Variants in KCNQ3 observed in about 807,000 individuals in gnomAD.
KCNQ3 encodes potassium voltage-gated channel subfamily Q member 3.
Under a neutral mutation model 92.5 loss-of-function variants are expected in KCNQ3, and 30 were observed. The ratio of observed to expected loss-of-function variants is 0.32; its 90% CI spans 0.24 to 0.44. The LOEUF is 0.44. Ranked by LOEUF, KCNQ3 falls within the 20% of genes least tolerant of loss-of-function variation. The pLI is 1.00. For missense variants in KCNQ3, 913 were observed against 1,140.3 expected, an observed-to-expected ratio of 0.80 and a Z score of 2.87; for synonymous variants, 450 against 468.8, an observed-to-expected ratio of 0.96 and a Z score of 0.52.
At chr8:132,468,706 A>C (rs1822234282) in intron 1 of KCNQ3, among the ~76,000 whole-genome samples, 1 of 152,224 alleles carries the variant, frequency 6.6e-6, no homozygotes. Context: ...ACACTCTTGC[A>C]GAGTGCAGAT....
intron 9 of KCNQ3, 139 bp downstream of exon 9, chr8:132,163,329 G>A (rs878886023): frequency 7.8e-6 from 6 of 769,362 alleles, no homozygotes; most frequent in African/African-American, 6.8e-5. Context: ...AGAGGACTAT[G>A]GTGGTCAGCA....
rs1038934494 is a variant in KCNQ3 at position 132,137,981 on chromosome 8, T to C, written c.1604A>G (p.Lys535Arg). ...LQFRLYKKKF[K>R]ETLRPYDVKD... Reference sequence around the variant, plus strand: ...CACATCGTAAGGCCTCAAAGTCTCCTTGAATTTTTTTTTATAGAGACGGAA... The same window carrying C: ...CACATCGTAAGGCCTCAAAGTCTCCCTGAATTTTTTTTTATAGAGACGGAA... Residue 535 changes from lysine to arginine, a missense_variant, in exon 12 of 15, where the codon AAG becomes AGG. Coordinates refer to ENST00000388996, the MANE Select transcript of KCNQ3 (RefSeq NM_004519.4). The C allele has an allele frequency of 6.2e-6, 10 of 1,613,046 alleles. No homozygotes were observed. The highest frequency in any genetic ancestry group is 7.6e-6 in the Non-Finnish European group (9 of 1,179,992).
intron 11 of KCNQ3, among the ~76,000 whole-genome samples, chr8:132,138,868 A>G (rs1188480181): frequency 2.6e-5 from 4 of 152,154 alleles, no homozygotes; most frequent in Non-Finnish European, 5.9e-5. Flanking sequence ...TTATGGTACT[A>G]TCTAATTTGC....
chr8:132,145,272 G>A (rs2469520), intron 9 of KCNQ3, among the ~76,000 whole-genome samples: 58,970 of 151,952 alleles, frequency 0.39, 11,907 homozygotes, highest in East Asian at 0.49. Context: ...CTGGAATGTC[G>A]CAAGCACTAA....
At chr8:132,133,343 T>C (rs1184122105) in intron 13 of KCNQ3, among the ~76,000 whole-genome samples, 1 of 144,836 alleles carries the variant, frequency 6.9e-6, no homozygotes, top group Non-Finnish European at 1.5e-5. Context: ...ATCACGTTAA[T>C]GCTCTCGATT....
chr8:132,428,166 T>C (rs560264404), intron 1 of KCNQ3, among the ~76,000 whole-genome samples: 318 of 152,172 alleles, frequency 2.1e-3, no homozygotes, highest in Non-Finnish European at 4.0e-3. Context: ...TCTTTGAAAC[T>C]GTCCTCCTCT....
At chr8:132,410,483 G>T (rs912350031) in intron 1 of KCNQ3, among the ~76,000 whole-genome samples, 5 of 152,212 alleles carry the variant, frequency 3.3e-5, no homozygotes, top group African/African-American at 1.2e-4. Context: ...AGAGAACCCT[G>T]TCCTTGGAGC....
rs1427018239 is a variant in KCNQ3 at position 132,124,129 on chromosome 8, T to C, written c.*5133A>G. The C allele has an allele frequency of 6.6e-6, 1 of 152,242 alleles. No individual in the cohort carries two copies. Among genetic ancestry groups the C allele is most frequent in the Non-Finnish European group, 1.5e-5 (1 of 68,048 alleles). 9.4% of individuals were successfully genotyped at this position (152,242 alleles called of 1,614,324 possible). A position where few individuals can be genotyped will look rare whatever the true frequency, so the allele number is the denominator to read the frequency against. On this transcript the variant is annotated 3_prime_UTR_variant, in exon 15 of 15. Coordinates refer to ENST00000388996, the MANE Select transcript of KCNQ3 (RefSeq NM_004519.4). The stretch of plus-strand genomic sequence containing the variant: ...CACTGAGATCCAACATTCCTGCCTC[T>C]CTTCATTCCAAGATTCCTTCTGTTC...
intron 1 of KCNQ3, among the ~76,000 whole-genome samples, chr8:132,357,327 AG>A: frequency 6.6e-6 from 1 of 152,244 alleles, no homozygotes; most frequent in Non-Finnish European, 1.5e-5. Flanking sequence ...CAGGCAGAGA[AG>A]TGCGTCAATG....
At chr8:132,409,687 T>C (rs1031482229) in intron 1 of KCNQ3, among the ~76,000 whole-genome samples, 3 of 152,204 alleles carry the variant, frequency 2.0e-5, no homozygotes, top group Non-Finnish European at 2.9e-5. Flanking sequence ...CCTCACCATT[T>C]ATCCCTGGAT....
chr8:132,282,536 C>G (rs1157726384), intron 1 of KCNQ3, among the ~76,000 whole-genome samples: 1 of 152,192 alleles, frequency 6.6e-6, no homozygotes, highest in African/African-American at 2.4e-5. Context: ...GCTTATCCCC[C>G]CTTGCTCTGC....
intron 1 of KCNQ3, among the ~76,000 whole-genome samples, chr8:132,317,439 G>A (rs947462448): frequency 6.6e-6 from 1 of 152,188 alleles, no homozygotes; most frequent in African/African-American, 2.4e-5. Context: ...AAGACCACTA[G>A]CTCACATACT....
At chr8:132,447,126 T>C in intron 1 of KCNQ3, 1 of 1,323,914 alleles carries the variant, frequency 7.6e-7, no homozygotes, top group Non-Finnish European at 1.0e-6. Flanking sequence ...GCTCTTTCCC[T>C]CTCCCCCTGG....
chr8:132,393,981 T>C (rs1820119749), intron 1 of KCNQ3, among the ~76,000 whole-genome samples: 1 of 152,238 alleles, frequency 6.6e-6, no homozygotes, highest in Non-Finnish European at 1.5e-5. Flanking sequence ...ACCTACTGTG[T>C]GCCCTTGCTG....
At chr8:132,264,122 G>C (rs570008225) in intron 1 of KCNQ3, among the ~76,000 whole-genome samples, 44 of 152,308 alleles carry the variant, frequency 2.9e-4, no homozygotes, top group African/African-American at 9.4e-4. Context: ...TGGTGAAATT[G>C]GGATTCAAAT....
intron 1 of KCNQ3, among the ~76,000 whole-genome samples, chr8:132,222,802 G>T (rs866673201): frequency 1.3e-5 from 2 of 152,218 alleles, no homozygotes; most frequent in Admixed American, 6.5e-5. Context: ...GGCACATTTA[G>T]TAGTGCTTAC....
intron 1 of KCNQ3, among the ~76,000 whole-genome samples, chr8:132,331,503 GCAAA>G (rs2130661973): frequency 6.6e-6 from 1 of 152,258 alleles, no homozygotes; most frequent in African/African-American, 2.4e-5. Context: ...TCTTACTCTA[GCAAA>G]CAGACTAGGG....
intron 1 of KCNQ3, among the ~76,000 whole-genome samples, chr8:132,395,355 T>G (rs2130776611): frequency 6.6e-6 from 1 of 152,318 alleles, no homozygotes; most frequent in South Asian, 2.1e-4. Flanking sequence ...ACACTAGAAC[T>G]TATTCCTCCT....
intron 1 of KCNQ3, among the ~76,000 whole-genome samples, chr8:132,304,498 A>G (rs535993355): frequency 7.3e-4 from 111 of 152,330 alleles, no homozygotes; most frequent in African/African-American, 2.5e-3. Flanking sequence ...GAGCAGCCCT[A>G]TAGAGTTATT....
Sources: gnomAD v4.1 joint callset for allele counts (sites outside exome capture counted in the v4.1 genomes callset) on GRCh38, gnomAD v4.1.1 for gene constraint, MANE v1.5 for transcripts, NCBI Gene and HGNC (gene_info 2026-07-23, HGNC 2026-07-21) for gene names.